The following SIK3 variants were observed in gnomAD, a reference collection of about 807,000 sequenced individuals.
The protein encoded by SIK3 is SIK family kinase 3, also known as serine/threonine-protein kinase SIK3.
Under a neutral mutation model 144.2 loss-of-function variants are expected in SIK3, and 28 were observed. That is an observed-to-expected ratio of 0.19 (90% CI 0.14 to 0.27). SIK3 has a LOEUF of 0.27. Among genes scored for constraint, SIK3 ranks in the 10% least tolerant of loss-of-function variants. SIK3 has a pLI of 1.00. For synonymous variants in SIK3, 686 were observed against 676.3 expected (o/e 1.01, Z -0.22); for missense variants, 1,319 against 1,776.0 (o/e 0.74, Z 4.62).
At chr11:116,996,179 G>A (rs1315508532) in intron 1 of SIK3, among the ~76,000 whole-genome samples, 2 of 151,994 alleles carry the variant, frequency 1.3e-5, no homozygotes, top group Non-Finnish European at 2.9e-5. Flanking sequence ...GTGGTGGTGT[G>A]TGCCTATAAT....
At chr11:117,019,718 A>G (rs1756074681) in intron 1 of SIK3, among the ~76,000 whole-genome samples, 1 of 151,636 alleles carries the variant, frequency 6.6e-6, no homozygotes, top group Non-Finnish European at 1.5e-5. Context: ...GGTTCACGTG[A>G]TTCTCCTGCC....
chr11:116,855,102 A>AAAAAAAAAAAAC (rs1168132311), intron 21 of SIK3, among the ~76,000 whole-genome samples: 2 of 144,328 alleles, frequency 1.4e-5, no homozygotes, highest in Non-Finnish European at 3.1e-5. Context: ...AAAAAAAAAA[A>AAAAAAAAAAAAC]AAAAAAACTT....
At chr11:116,889,000 T>C (rs1399973849) in intron 6 of SIK3, among the ~76,000 whole-genome samples, 1 of 152,130 alleles carries the variant, frequency 6.6e-6, no homozygotes, top group Admixed American at 6.5e-5. Context: ...GGGTGGAGGA[T>C]AGAAAAGATC....
rs1565345134 is a variant in SIK3 at position 116,844,617 on chromosome 11, TAA to T, written c.*1024_*1025del. The T allele has an allele frequency of 3.3e-5, 2 of 59,998 alleles. No homozygotes were observed. Among genetic ancestry groups the T allele is most frequent in the Admixed American group, 1.9e-4 (1 of 5,302 alleles). The allele number at this position is 59,998 out of a possible 1,614,324, so 3.7% of individuals were successfully genotyped here. ...ATATTTTATATATATATTATATATA[TAA>T]TATATATATAATATATTATATTATA... is the stretch of plus-strand genomic sequence containing the variant. On this transcript the variant is annotated 3_prime_UTR_variant, in exon 25 of 25. Coordinates refer to ENST00000445177, the MANE Select transcript of SIK3 (RefSeq NM_001366686.3).
At chr11:116,896,797 G>A (rs891970897) in intron 5 of SIK3, among the ~76,000 whole-genome samples, 41 of 152,270 alleles carry the variant, frequency 2.7e-4, no homozygotes, top group African/African-American at 7.7e-4. Context: ...AGGCCAAGGC[G>A]GGAGGATCAC....
chr11:117,067,913 G>A (rs1354589971), intron 1 of SIK3, among the ~76,000 whole-genome samples: 5 of 152,140 alleles, frequency 3.3e-5, no homozygotes, highest in Non-Finnish European at 7.3e-5. Flanking sequence ...CAACCCGGGA[G>A]GCGGAGGCTG....
At chr11:117,023,347 C>G (rs577993007) in intron 1 of SIK3, among the ~76,000 whole-genome samples, 1 of 151,800 alleles carries the variant, frequency 6.6e-6, no homozygotes, top group African/African-American at 2.4e-5. Context: ...CTGTCCCTTC[C>G]CCGAGTTTTC....
intron 6 of SIK3, among the ~76,000 whole-genome samples, chr11:116,881,267 T>C (rs1944532952): frequency 6.6e-6 from 1 of 152,170 alleles, no homozygotes; most frequent in African/African-American, 2.4e-5. Context: ...TCTGCTTGTG[T>C]GTGCCAGAGA....
chr11:116,911,645 G>T (rs1335283445), intron 4 of SIK3, among the ~76,000 whole-genome samples: 5 of 152,202 alleles, frequency 3.3e-5, no homozygotes, highest in Non-Finnish European at 7.3e-5. Flanking sequence ...GGTTTCAGAG[G>T]TGGGATTGCA....
At chr11:116,922,245 A>G (rs7948838) in intron 4 of SIK3, among the ~76,000 whole-genome samples, 22,187 of 152,170 alleles carry the variant, frequency 0.15, 2,260 homozygotes, top group African/African-American at 0.28. Flanking sequence ...GCTCATGCCC[A>G]TAATTCTAAC....
intron 22 of SIK3, among the ~76,000 whole-genome samples, chr11:116,848,682 T>C (rs1262885509): frequency 6.6e-6 from 1 of 152,228 alleles, no homozygotes; most frequent in African/African-American, 2.4e-5. Context: ...TAGATTCTAC[T>C]TGAATTAAGG....
chr11:116,844,645 TATTA>T lies in SIK3; in HGVS notation c.*994_*997del, dbSNP rs1158975016. 10 of 91,336 alleles carry T rather than the reference TATTA, an allele frequency of 1.1e-4. No homozygotes were observed. Among genetic ancestry groups the T allele is most frequent in the African/African-American group, 9.9e-4 (10 of 10,148 alleles). 5.7% of individuals were successfully genotyped at this position (91,336 alleles called of 1,614,324 possible). A position where few individuals can be genotyped will look rare whatever the true frequency, so the allele number is the denominator to read the frequency against. The stretch of plus-strand genomic sequence containing the variant: ...TATATATATAATATATTATATTATA[TATTA>T]TATATATAATATATATATACACATA... On this transcript the variant is annotated 3_prime_UTR_variant, in exon 25 of 25. Transcript: ENST00000445177.
At chr11:116,899,486 C>A (rs894485295) in intron 4 of SIK3, among the ~76,000 whole-genome samples, 3 of 152,068 alleles carry the variant, frequency 2.0e-5, no homozygotes, top group Non-Finnish European at 4.4e-5. Flanking sequence ...ACATCTATGA[C>A]CATTTAAAAA....
intron 1 of SIK3, among the ~76,000 whole-genome samples, chr11:116,959,702 G>T (rs1949271974): frequency 6.6e-6 from 1 of 152,154 alleles, no homozygotes. Context: ...CTTCATAATG[G>T]TAAACAGAGA....
chr11:117,007,539 G>A (rs931186946), intron 1 of SIK3, among the ~76,000 whole-genome samples: 3 of 152,244 alleles, frequency 2.0e-5, no homozygotes, highest in African/African-American at 7.2e-5. Flanking sequence ...GAGAGGAGGG[G>A]TGAGCACACA....
At chr11:117,089,129 G>C (rs1955136007) in intron 1 of SIK3, among the ~76,000 whole-genome samples, 1 of 152,050 alleles carries the variant, frequency 6.6e-6, no homozygotes, top group South Asian at 2.1e-4. Context: ...AAGCTGGCCG[G>C]GCGCGGTGGC....
intron 1 of SIK3, among the ~76,000 whole-genome samples, chr11:116,996,443 G>A (rs560799504): frequency 1.1e-4 from 17 of 152,172 alleles, no homozygotes; most frequent in Non-Finnish European, 2.2e-4. Flanking sequence ...GCACTTTTGT[G>A]GCCAGAAAAA....
At chr11:117,060,613 A>T (rs1953751188) in intron 1 of SIK3, among the ~76,000 whole-genome samples, 1 of 151,818 alleles carries the variant, frequency 6.6e-6, no homozygotes, top group African/African-American at 2.4e-5. Flanking sequence ...AAAAAAAAAA[A>T]ATCAGTGATT....
intron 1 of SIK3, among the ~76,000 whole-genome samples, chr11:116,995,871 C>T (rs1950647774): frequency 6.6e-6 from 1 of 152,092 alleles, no homozygotes; most frequent in African/African-American, 2.4e-5. Context: ...AGGAACAAGT[C>T]AGGTGTGGTA....
Sources: gnomAD v4.1 joint callset for allele counts (sites outside exome capture counted in the v4.1 genomes callset) on GRCh38, gnomAD v4.1.1 for gene constraint, MANE v1.5 for transcripts, NCBI Gene and HGNC (gene_info 2026-07-23, HGNC 2026-07-21) for gene names.